Variants in CDH13 observed in about 807,000 individuals in gnomAD.
CDH13 encodes the protein cadherin-13.
In CDH13, 24 loss-of-function variants were observed where a neutral mutation model predicts 63.8. That is an observed-to-expected ratio of 0.38 (90% confidence interval 0.27 to 0.53). The LOEUF is 0.53. CDH13 is among the 20% of genes least tolerant of loss of function. CDH13 has a pLI of 0.85. For missense variants in CDH13, 1,049 were observed against 903.1 expected (o/e 1.16, Z -2.07); for synonymous variants, 503 against 355.3 (o/e 1.42, Z -4.67).
intron 3 of CDH13, among the ~76,000 whole-genome samples, chr16:83,071,602 C>T (rs1011647305): frequency 3.9e-5 from 6 of 152,146 alleles, no homozygotes; most frequent in African/African-American, 1.4e-4. Context: ...TTCCCCTGTG[C>T]CACTGGAAAA....
At chr16:83,086,378 G>A (rs1433415491) in intron 3 of CDH13, among the ~76,000 whole-genome samples, 3 of 152,298 alleles carry the variant, frequency 2.0e-5, no homozygotes, top group African/African-American at 7.2e-5. Context: ...GAGACTTAGT[G>A]TTCTAATCTG....
intron 2 of CDH13, among the ~76,000 whole-genome samples, chr16:83,007,303 G>A (rs1175254917): frequency 6.6e-6 from 1 of 152,170 alleles, no homozygotes; most frequent in African/African-American, 2.4e-5. Context: ...GGTGATCTAT[G>A]AATGCTGTCT....
At chr16:83,156,443 C>G (rs1431058707) in intron 4 of CDH13, among the ~76,000 whole-genome samples, 1 of 152,158 alleles carries the variant, frequency 6.6e-6, no homozygotes, top group African/African-American at 2.4e-5. Flanking sequence ...CACACCCCAT[C>G]TACAAAGGCG....
chr16:83,619,441 T>C lies in CDH13; in HGVS notation c.1101+16847T>C, dbSNP rs550653617. Among the ~76,000 whole-genome samples, 53 of 152,364 alleles carry C rather than the reference T, an allele frequency of 3.5e-4. 1 individual carries two copies. The highest frequency in any genetic ancestry group is 1.2e-3 in the African/African-American group (51 of 41,588). On this transcript the variant is annotated intron_variant, in intron 8 of 13. Transcript: ENST00000567109. ...TTCCTGGGCTGCCATAACAAGGTAT[T>C]ACCAGCCATGTGGCTTCAACAACAG...
intron 6 of CDH13, among the ~76,000 whole-genome samples, chr16:83,430,676 A>G (rs1304920248): frequency 6.6e-6 from 1 of 152,206 alleles, no homozygotes; most frequent in Non-Finnish European, 1.5e-5. Flanking sequence ...TTGAAATTGT[A>G]AGAAAGTTCT....
intron 1 of CDH13, among the ~76,000 whole-genome samples, chr16:82,674,370 C>T (rs891447678): frequency 2.6e-5 from 4 of 152,150 alleles, no homozygotes; most frequent in Admixed American, 6.5e-5. Flanking sequence ...TAGTTTTCAT[C>T]TTTGATTTGA....
At chr16:83,002,265 C>T (rs1230859704) in intron 2 of CDH13, among the ~76,000 whole-genome samples, 1 of 152,156 alleles carries the variant, frequency 6.6e-6, no homozygotes, top group African/African-American at 2.4e-5. Context: ...TTTTAAGAGA[C>T]ACACAGAGGA....
At chr16:82,630,181 T>C (rs897593717) in intron 1 of CDH13, among the ~76,000 whole-genome samples, 3 of 152,204 alleles carry the variant, frequency 2.0e-5, no homozygotes, top group African/African-American at 7.2e-5. Flanking sequence ...TTTGCAGAAC[T>C]TTTTGGATGA....
intron 8 of CDH13, among the ~76,000 whole-genome samples, chr16:83,648,527 C>G (rs1022446972): frequency 4.6e-5 from 7 of 152,142 alleles, no homozygotes; most frequent in Non-Finnish European, 8.8e-5. Flanking sequence ...AATGCTCAGT[C>G]TTTCTGCAGC....
chr16:83,659,448 G>A (rs1014886801), intron 8 of CDH13, among the ~76,000 whole-genome samples: 12 of 152,260 alleles, frequency 7.9e-5, no homozygotes, highest in Admixed American at 7.8e-4. Context: ...GTTAGAATGT[G>A]CCATCAGGTT....
intron 6 of CDH13, among the ~76,000 whole-genome samples, chr16:83,458,071 C>T (rs538598222): frequency 2.6e-5 from 4 of 152,178 alleles, no homozygotes; most frequent in Non-Finnish European, 5.9e-5. Flanking sequence ...AACTCACCCA[C>T]TGTCGCCATT....
chr16:83,187,388 G>A (rs2038558408), intron 4 of CDH13, among the ~76,000 whole-genome samples: 1 of 152,090 alleles, frequency 6.6e-6, no homozygotes, highest in African/African-American at 2.4e-5. Context: ...CCTCTCAAAT[G>A]CCAGCTGATT....
intron 7 of CDH13, among the ~76,000 whole-genome samples, chr16:83,556,534 G>A (rs565600346): frequency 1.2e-4 from 19 of 152,266 alleles, no homozygotes; most frequent in African/African-American, 3.9e-4. Flanking sequence ...ATTGAACCTC[G>A]GAGGGGTCAA....
chr16:83,365,903 C>T (rs2091249506), intron 6 of CDH13, among the ~76,000 whole-genome samples: 1 of 152,114 alleles, frequency 6.6e-6, no homozygotes, highest in Non-Finnish European at 1.5e-5. Context: ...ATTTTTCCCC[C>T]CAGGGACTCC....
intron 1 of CDH13, among the ~76,000 whole-genome samples, chr16:82,713,235 C>G (rs28493728): frequency 0.18 from 27,964 of 152,060 alleles, 2,762 homozygotes; most frequent in East Asian, 0.29. Context: ...CAAGACCTAT[C>G]AAAGCAGGGT....
rs183712616 is a variant in CDH13 at position 83,238,273 on chromosome 16, G to A, written c.636+20776G>A. On this transcript the variant is annotated intron_variant, in intron 5 of 13. Coordinates refer to ENST00000567109, the MANE Select transcript of CDH13 (RefSeq NM_001257.5). ...ACTTACAGTTCCACATGTCTGGGGA[G>A]GCCTCCCAATCATGGTGGAAGGAAG... Among the ~76,000 whole-genome samples the A allele has an allele frequency of 8.5e-4, 129 of 152,046 alleles. 1 individual carries two copies. Among genetic ancestry groups the A allele is most frequent in the Middle Eastern group, 6.8e-3 (2 of 292 alleles).
At chr16:82,833,925 C>T (rs1159825563) in intron 1 of CDH13, among the ~76,000 whole-genome samples, 1 of 152,162 alleles carries the variant, frequency 6.6e-6, no homozygotes, top group Non-Finnish European at 1.5e-5. Flanking sequence ...TTGTATTTAA[C>T]AAAACCCCTT....
At chr16:83,510,381 T>C (rs1480754483) in intron 7 of CDH13, among the ~76,000 whole-genome samples, 1 of 152,196 alleles carries the variant, frequency 6.6e-6, no homozygotes, top group Non-Finnish European at 1.5e-5. Context: ...AACTTGCCTG[T>C]GAAAATCCTT....
chr16:82,971,319 C>G (rs898527668), intron 2 of CDH13, among the ~76,000 whole-genome samples: 6 of 152,224 alleles, frequency 3.9e-5, no homozygotes. Context: ...CTGTCACTCT[C>G]ATTCCTGTTC....
Sources: gnomAD v4.1 joint callset for allele counts (sites outside exome capture counted in the v4.1 genomes callset) on GRCh38, gnomAD v4.1.1 for gene constraint, MANE v1.5 for transcripts, NCBI Gene and HGNC (gene_info 2026-07-23, HGNC 2026-07-21) for gene names.